The following ARRDC5 variants were observed in gnomAD, a reference collection of about 807,000 sequenced individuals.
The protein encoded by ARRDC5 is arrestin domain containing 5, also known as arrestin domain-containing protein 5.
Under a neutral mutation model 13.3 loss-of-function variants are expected in ARRDC5, and 12 were observed. That is an observed-to-expected ratio of 0.90 (90% CI 0.58 to 1.46). ARRDC5 has a LOEUF of 1.46. Among genes scored for constraint, ARRDC5 ranks in the 40% most tolerant of loss-of-function variants. The pLI is 0.00. For missense variants in ARRDC5, 406 were observed against 418.7 expected (o/e 0.97, Z 0.26); for synonymous variants, 181 against 173.4 (o/e 1.04, Z -0.34).
At chr19:4,904,832 C>G (rs557414473), upstream of ARRDC5, among the ~76,000 whole-genome samples, 6 of 152,152 alleles carry the variant, frequency 3.9e-5, no homozygotes, top group Non-Finnish European at 7.3e-5. Context: ...GAAACTGAAG[C>G]CCTTTGCACT....
upstream of ARRDC5, chr19:4,903,029 C>CTTTTTCACTGGTTCT (rs57469214): frequency 0.34 from 144,108 of 429,226 alleles, 15,315 homozygotes; most frequent in African/African-American, 0.61. Context: ...CTCACTGGTT[C>CTTTTTCACTGGTTCT]TTTTTTTTTT....
intron 1 of ARRDC5, 104 bp from the exon 2 acceptor site, chr19:4,896,980 A>C: frequency 2.6e-6 from 2 of 774,926 alleles, no homozygotes; most frequent in Non-Finnish European, 4.0e-6. Flanking sequence ...TTTTTGAGAC[A>C]CGGTCTCACT....
At chr19:4,904,448 G>A (rs1026265549), upstream of ARRDC5, among the ~76,000 whole-genome samples, 1 of 152,128 alleles carries the variant, frequency 6.6e-6, no homozygotes, top group Non-Finnish European at 1.5e-5. Context: ...CAAAGTGCTG[G>A]GATTACAGGC....
At chr19:4,907,558 C>T (rs563999975), upstream of ARRDC5, among the ~76,000 whole-genome samples, 7 of 150,862 alleles carry the variant, frequency 4.6e-5, no homozygotes, top group Non-Finnish European at 8.9e-5. Context: ...GTGTGAGCCA[C>T]CACGCCCGGC....
rs189225852 is a variant in ARRDC5 at position 4,898,750 on chromosome 19, C to G, written c.254-1874G>C. Among the ~76,000 whole-genome samples, 23 of 150,380 alleles carry G rather than the reference C, an allele frequency of 1.5e-4. No individual in the cohort carries two copies. The East Asian group carries it at 4.1e-3, about 27-fold the overall frequency. On this transcript the variant is annotated intron_variant, in intron 1 of 2. Transcript: ENST00000650722. ...CAAGTGATCCTCTTGCCTCAGCGCC[C>G]CAAGTAGCTGGGACTACAGGCGCGT...
intron 1 of ARRDC5, among the ~76,000 whole-genome samples, chr19:4,900,665 T>G (rs2146257275): frequency 6.6e-6 from 1 of 152,300 alleles, no homozygotes; most frequent in African/African-American, 2.4e-5. Context: ...GTTCTGTGCT[T>G]GGTTGTTCCC....
At chr19:4,899,514 C>T (rs1273193037) in intron 1 of ARRDC5, among the ~76,000 whole-genome samples, 8 of 151,966 alleles carry the variant, frequency 5.3e-5, no homozygotes, top group Non-Finnish European at 4.4e-5. Flanking sequence ...CGCCTGTAAT[C>T]CCAGCTATGC....
chr19:4,901,096 G>A (rs533242283), intron 1 of ARRDC5, among the ~76,000 whole-genome samples: 2 of 151,934 alleles, frequency 1.3e-5, no homozygotes, highest in South Asian at 2.1e-4. Context: ...CCGAGATTGC[G>A]CCATTGCACT....
chr19:4,892,541 T>C (rs2031548813), intron 2 of ARRDC5, among the ~76,000 whole-genome samples: 1 of 151,112 alleles, frequency 6.6e-6, no homozygotes, highest in Non-Finnish European at 1.5e-5. Flanking sequence ...CTTTTTTTTT[T>C]TGAAAGAAGG....
At chr19:4,915,110 T>G in the ARRDC5 span, among the ~76,000 whole-genome samples, 1 of 152,228 alleles carries the variant, frequency 6.6e-6, no homozygotes, top group Admixed American at 6.5e-5. Context: ...AAAGGCAGGA[T>G]TAAGGTCAGT....
In ARRDC5 at chr19:4,899,085, A is replaced by G. The variant is rs181621890; in HGVS notation, c.254-2209T>C. Among the ~76,000 whole-genome samples the G allele has an allele frequency of 8.9e-3, 1,303 of 147,114 alleles. 61 individuals carry two copies. Among genetic ancestry groups the G allele is most frequent in the East Asian group, 0.014 (68 of 4,704 alleles). ...AGCACTTTGGGAGGCCGAGGCGGGC[A>G]GATCACGAGGTCAGGAGATCGAGAC... On this transcript the variant is annotated intron_variant, in intron 1 of 2. Coordinates refer to ENST00000650722, the MANE Select transcript of ARRDC5 (RefSeq NM_001080523.3).
chr19:4,891,026 A>G lies in ARRDC5; in HGVS notation c.*20T>C. The G allele has an allele frequency of 3.1e-6, 5 of 1,589,828 alleles. No homozygotes were observed. The highest frequency in any genetic ancestry group is 4.3e-6 in the Non-Finnish European group (5 of 1,168,806). ...CTGGTAGAGACTAATAAAGCTTTTAATATTTAAAAGTTCGGGCACTTAATT... is the reference window on the plus strand; with the variant it reads ...CTGGTAGAGACTAATAAAGCTTTTAGTATTTAAAAGTTCGGGCACTTAATT... On this transcript the variant is annotated 3_prime_UTR_variant, in exon 3 of 3. Transcript: ENST00000650722.
chr19:4,911,544 A>C, the ARRDC5 span, among the ~76,000 whole-genome samples: 1 of 152,150 alleles, frequency 6.6e-6, no homozygotes, highest in African/African-American at 2.4e-5. Flanking sequence ...GCGCTTGCTA[A>C]TCAGGAATTT....
At chr19:4,908,008 G>A in the ARRDC5 span, among the ~76,000 whole-genome samples, 1 of 152,128 alleles carries the variant, frequency 6.6e-6, no homozygotes, top group Non-Finnish European at 1.5e-5. Context: ...CAACGCGCCC[G>A]GCCCTTGGCC....
rs1458417680 is a variant in ARRDC5 at position 4,890,619 on chromosome 19, T to G, written c.*427A>C. 4.9e-6 allele frequency: 1 copy of G among 205,466 alleles called. No homozygotes were observed. 12.7% of individuals were successfully genotyped at this position (205,466 alleles called of 1,614,324 possible). A position where few individuals can be genotyped will look rare whatever the true frequency, so the allele number is the denominator to read the frequency against. ...TGATTGTGGGGGCCGTCCTGGACAC[T>G]GCAGGGTGCTGAACAGCGTCCCTGG... On this transcript the variant is annotated 3_prime_UTR_variant, in exon 3 of 3. Coordinates refer to ENST00000650722, the MANE Select transcript of ARRDC5 (RefSeq NM_001080523.3).
the ARRDC5 span, chr19:4,909,206 AGGGGGTCTGTACCCT>A: frequency 2.2e-6 from 1 of 464,742 alleles, no homozygotes; most frequent in South Asian, 3.1e-5. Context: ...TTAAGAGTTC[AGGGGGTCTGTACCCT>A]GGGGGTCCCC....
At chr19:4,914,893 C>G in the ARRDC5 span, among the ~76,000 whole-genome samples, 1 of 152,078 alleles carries the variant, frequency 6.6e-6, no homozygotes, top group Admixed American at 6.6e-5. Flanking sequence ...GTGCCAGGCT[C>G]ACAATGAAAG....
chr19:4,908,595 C>T, the ARRDC5 span, among the ~76,000 whole-genome samples: 131 of 152,252 alleles, frequency 8.6e-4, no homozygotes, highest in African/African-American at 3.0e-3. Flanking sequence ...GTCTCATCTC[C>T]GATTCCAGCT....
chr19:4,909,226 G>A, the ARRDC5 span: 2 of 497,066 alleles, frequency 4.0e-6, no homozygotes, highest in South Asian at 2.8e-5. Flanking sequence ...TACCCTGGGG[G>A]TCCCCAAGGC....
Sources: gnomAD v4.1 joint callset for allele counts (sites outside exome capture counted in the v4.1 genomes callset) on GRCh38, gnomAD v4.1.1 for gene constraint, MANE v1.5 for transcripts, NCBI Gene and HGNC (gene_info 2026-07-23, HGNC 2026-07-21) for gene names.